Variants in IMMP2L observed in about 807,000 individuals in gnomAD.
IMMP2L encodes mitochondrial inner membrane protease subunit 2.
Under a neutral mutation model 19.3 loss-of-function variants are expected in IMMP2L, and 18 were observed. That is an observed-to-expected ratio of 0.93 (90% CI 0.64 to 1.38). The LOEUF (loss-of-function observed/expected upper bound fraction) is 1.38, where lower values mean the gene tolerates loss of function less well. Ranked by LOEUF, IMMP2L falls within the 40% of genes most tolerant of loss-of-function variation. The pLI, the probability that IMMP2L is intolerant of heterozygous loss-of-function variation, is 0.00. For missense variants in IMMP2L, 233 were observed against 218.2 expected (o/e 1.07, Z -0.43); for synonymous variants, 76 against 73.0 (o/e 1.04, Z -0.21).
chr7:111,527,198 C>A (rs1443787719), intron 1 of IMMP2L, among the ~76,000 whole-genome samples: 1 of 152,068 alleles, frequency 6.6e-6, no homozygotes, highest in South Asian at 2.1e-4. Context: ...GCAAGAGGGT[C>A]ACTTCAGGTC....
At chr7:111,076,362 T>C (rs566280232) in intron 3 of IMMP2L, among the ~76,000 whole-genome samples, 1 of 152,216 alleles carries the variant, frequency 6.6e-6, no homozygotes, top group Non-Finnish European at 1.5e-5. Context: ...ACTGCTGACA[T>C]TGAAAGCTGT....
chr7:111,507,437 T>C (rs1845027903), intron 2 of IMMP2L, among the ~76,000 whole-genome samples: 1 of 152,152 alleles, frequency 6.6e-6, no homozygotes. Flanking sequence ...TTTCAAGTTC[T>C]TACAGTTCAC....
At chr7:111,190,603 G>A (rs1808757356) in intron 3 of IMMP2L, among the ~76,000 whole-genome samples, 1 of 152,000 alleles carries the variant, frequency 6.6e-6, no homozygotes. Flanking sequence ...GCCACACTTA[G>A]GTCGAAATCC....
intron 5 of IMMP2L, among the ~76,000 whole-genome samples, chr7:110,850,996 CA>C (rs948076856): frequency 1.4e-4 from 21 of 152,006 alleles, no homozygotes; most frequent in Middle Eastern, 3.4e-3. Context: ...TTCAGCATCA[CA>C]AAAACCTCAA....
At chr7:111,152,833 G>C (rs1804229237) in intron 3 of IMMP2L, among the ~76,000 whole-genome samples, 1 of 152,012 alleles carries the variant, frequency 6.6e-6, no homozygotes, top group Non-Finnish European at 1.5e-5. Flanking sequence ...ACTGAATTAT[G>C]AGCTAACAAG....
chr7:110,915,966 A>G (rs955717988), intron 4 of IMMP2L, among the ~76,000 whole-genome samples: 1 of 152,168 alleles, frequency 6.6e-6, no homozygotes, highest in Non-Finnish European at 1.5e-5. Context: ...TTTCTTAGCC[A>G]GTGTAAGGTT....
chr7:110,903,195 T>G (rs542456042), intron 4 of IMMP2L, among the ~76,000 whole-genome samples: 1 of 152,306 alleles, frequency 6.6e-6, no homozygotes, highest in South Asian at 2.1e-4. Context: ...CGGGGCAATA[T>G]TTGAGTATAC....
At chr7:111,070,582 A>T (rs1452531381) in intron 3 of IMMP2L, among the ~76,000 whole-genome samples, 1 of 152,206 alleles carries the variant, frequency 6.6e-6, no homozygotes, top group African/African-American at 2.4e-5. Context: ...AAGAGACTTT[A>T]TAAGTTTGCC....
At chr7:111,049,430 C>G (rs1792794738) in intron 3 of IMMP2L, among the ~76,000 whole-genome samples, 1 of 151,942 alleles carries the variant, frequency 6.6e-6, no homozygotes, top group East Asian at 1.9e-4. Context: ...CGCGCCCGGC[C>G]GATTTTTATG....
chr7:110,754,499 C>T (rs988920482), intron 5 of IMMP2L, among the ~76,000 whole-genome samples: 3 of 152,004 alleles, frequency 2.0e-5, no homozygotes, highest in African/African-American at 7.2e-5. Context: ...TGTCAGTCCT[C>T]TCTTCTCTTC....
At chr7:111,464,473 C>G (rs1259527522) in intron 3 of IMMP2L, among the ~76,000 whole-genome samples, 3 of 152,106 alleles carry the variant, frequency 2.0e-5, no homozygotes, top group Non-Finnish European at 4.4e-5. Flanking sequence ...CACGGCAAAA[C>G]CATGCCTCAT....
chr7:110,842,415 A>G (rs951087398), intron 5 of IMMP2L, among the ~76,000 whole-genome samples: 1 of 152,154 alleles, frequency 6.6e-6, no homozygotes, highest in African/African-American at 2.4e-5. Flanking sequence ...AGGCCACAGG[A>G]CAACAGAGGC....
At chr7:111,068,095 A>G (rs1317997562) in intron 3 of IMMP2L, among the ~76,000 whole-genome samples, 1 of 152,206 alleles carries the variant, frequency 6.6e-6, no homozygotes, top group Non-Finnish European at 1.5e-5. Flanking sequence ...CTGTAGATCA[A>G]TTAACAGTGG....
In IMMP2L at chr7:111,447,102, C is replaced by G. The variant is rs867313567; in HGVS notation, c.239+40136G>C. Among the ~76,000 whole-genome samples, 371 of 136,474 alleles carry G rather than the reference C, an allele frequency of 2.7e-3. 2 individuals carry two copies. Among genetic ancestry groups the G allele is most frequent in the Middle Eastern group, 0.024 (6 of 250 alleles). The allele number at this position is 136,474 out of a possible 152,430, so 89.5% of individuals were successfully genotyped here. ...CTGATTGGTGTACCTGAAAGTGATG[C>G]GGAGAATGGAACCAAGTTGGAAAAC... is the stretch of plus-strand genomic sequence containing the variant. On this transcript the variant is annotated intron_variant, in intron 3 of 5. Transcript: ENST00000405709.
chr7:111,371,576 C>T (rs1563112638), intron 3 of IMMP2L, among the ~76,000 whole-genome samples: 4 of 151,994 alleles, frequency 2.6e-5, no homozygotes, highest in Admixed American at 1.3e-4. Context: ...GAAAGACATG[C>T]AAGTACTTTC....
At chr7:111,048,076 A>G (rs1792587732) in intron 3 of IMMP2L, among the ~76,000 whole-genome samples, 2 of 151,124 alleles carry the variant, frequency 1.3e-5, no homozygotes, top group South Asian at 4.2e-4. Flanking sequence ...CGTCTCTACT[A>G]AAAAATACAA....
rs187437555 is a variant in IMMP2L, at chr7:111,452,787, C to A, written c.239+34451G>T. Among the ~76,000 whole-genome samples the A allele has an allele frequency of 4.9e-4, 74 of 152,204 alleles. 1 individual carries two copies. The East Asian group carries it at 0.014, about 28-fold the overall frequency. ...TTATTACTCTATTTAATACAGCAATCTACTATAATCTCCTCCAACACTCCT... is the reference window on the plus strand; with the variant it reads ...TTATTACTCTATTTAATACAGCAATATACTATAATCTCCTCCAACACTCCT... On this transcript the variant is annotated intron_variant, in intron 3 of 5. Coordinates refer to ENST00000405709, the MANE Select transcript of IMMP2L (RefSeq NM_032549.4).
At chr7:110,821,784 G>A (rs561830916) in intron 5 of IMMP2L, among the ~76,000 whole-genome samples, 5 of 152,088 alleles carry the variant, frequency 3.3e-5, no homozygotes, top group East Asian at 1.9e-4. Context: ...TTACCTGGGC[G>A]TGGTGGCGCA....
At chr7:110,689,487 C>A (rs1793348733) in intron 5 of IMMP2L, among the ~76,000 whole-genome samples, 1 of 152,042 alleles carries the variant, frequency 6.6e-6, no homozygotes, top group Non-Finnish European at 1.5e-5. Context: ...TTTAAACTGT[C>A]CATTGAGTTT....
Sources: allele counts gnomAD v4.1 joint callset (sites outside exome capture counted in the v4.1 genomes callset), GRCh38; gene constraint gnomAD v4.1.1; transcripts MANE v1.5; gene names NCBI Gene and HGNC (gene_info 2026-07-23, HGNC 2026-07-21).